Variants in AK5 observed in about 807,000 individuals in gnomAD.
AK5 encodes the protein adenylate kinase isoenzyme 5.
AK5 carries 27 observed loss-of-function variants against 69.5 expected under a neutral mutation model. That is an observed-to-expected ratio of 0.39 (90% CI 0.29 to 0.54). AK5 has a LOEUF of 0.54. Ranked by LOEUF, AK5 falls within the 20% of genes least tolerant of loss-of-function variation. The probability of loss-of-function intolerance (pLI) is 0.71; values close to 1 mark genes in which losing one functional copy is unlikely to be tolerated. For missense variants in AK5, 531 were observed against 700.4 expected (o/e 0.76, Z 2.73); for synonymous variants, 260 against 244.4 (o/e 1.06, Z -0.60).
chr1:77,524,699 T>C (rs929270486), intron 12 of AK5, among the ~76,000 whole-genome samples: 1 of 152,226 alleles, frequency 6.6e-6, no homozygotes, highest in Non-Finnish European at 1.5e-5. Flanking sequence ...GGCTGTCTTT[T>C]CACTCTTTTG....
At chr1:77,347,982 A>G (rs1010150151) in intron 6 of AK5, among the ~76,000 whole-genome samples, 1 of 152,192 alleles carries the variant, frequency 6.6e-6, no homozygotes, top group Non-Finnish European at 1.5e-5. Flanking sequence ...TGGCAGTCCT[A>G]CTGTCAGCAT....
At chr1:77,474,154 C>T (rs997602231) in intron 8 of AK5, among the ~76,000 whole-genome samples, 1 of 152,160 alleles carries the variant, frequency 6.6e-6, no homozygotes, top group Non-Finnish European at 1.5e-5. Flanking sequence ...CCAGCCAGTA[C>T]TTTATAAATA....
chr1:77,480,414 C>T (rs1035036470), intron 8 of AK5, among the ~76,000 whole-genome samples: 5 of 152,152 alleles, frequency 3.3e-5, no homozygotes, highest in Non-Finnish European at 7.3e-5. Flanking sequence ...TGAATAATAG[C>T]TGTGGATACA....
chr1:77,387,462 A>C (rs563603344), intron 6 of AK5, among the ~76,000 whole-genome samples: 1 of 152,326 alleles, frequency 6.6e-6, no homozygotes, highest in African/African-American at 2.4e-5. Context: ...GACCAGCATG[A>C]GTTAACCACT....
At chr1:77,436,222 T>C (rs1570121973) in intron 8 of AK5, among the ~76,000 whole-genome samples, 2 of 152,234 alleles carry the variant, frequency 1.3e-5, no homozygotes, top group African/African-American at 4.8e-5. Context: ...TTAAATAACC[T>C]CTAAATTAGA....
At chr1:77,340,756 A>C in intron 6 of AK5, 188 bp downstream of exon 6, 1 of 411,296 alleles carries the variant, frequency 2.4e-6, no homozygotes, top group Non-Finnish European at 4.2e-6. Flanking sequence ...TTTTAAAAAA[A>C]CTTTCTTTTT....
intron 8 of AK5, among the ~76,000 whole-genome samples, chr1:77,444,248 CA>C (rs1652538125): frequency 7.8e-5 from 2 of 25,602 alleles, no homozygotes; most frequent in African/African-American, 1.0e-4. Context: ...TATATATACA[CA>C]ACATATGTGT....
chr1:77,424,169 AGG>A (rs1651034290), intron 8 of AK5, among the ~76,000 whole-genome samples: 1 of 152,232 alleles, frequency 6.6e-6, no homozygotes, highest in Non-Finnish European at 1.5e-5. Flanking sequence ...AAAAATTACA[AGG>A]TATGTCAAAA....
At chr1:77,374,256 C>A (rs1481884160) in intron 6 of AK5, among the ~76,000 whole-genome samples, 1 of 152,062 alleles carries the variant, frequency 6.6e-6, no homozygotes, top group Non-Finnish European at 1.5e-5. Flanking sequence ...AGCAAAATGC[C>A]CTTGGGCTTG....
chr1:77,316,320 A>G (rs1660242294), intron 5 of AK5, among the ~76,000 whole-genome samples: 1 of 151,808 alleles, frequency 6.6e-6, no homozygotes, highest in African/African-American at 2.4e-5. Context: ...TAGAATGACT[A>G]TCTGTTCATT....
chr1:77,391,495 G>GTGTGTATATATATATATATATATA (rs1425180466), intron 6 of AK5, among the ~76,000 whole-genome samples: 17 of 63,380 alleles, frequency 2.7e-4, no homozygotes, highest in South Asian at 1.2e-3. Flanking sequence ...GTGTGTGTGT[G>GTGTGTATATATATATATATATATA]TATATATATA....
At chr1:77,341,414 G>A (rs1215625554) in intron 6 of AK5, among the ~76,000 whole-genome samples, 1 of 152,222 alleles carries the variant, frequency 6.6e-6, no homozygotes, top group Admixed American at 6.5e-5. Context: ...CCTCCTCTCA[G>A]CCCTCGGGCC....
At chr1:77,464,254 C>A (rs1199029935) in intron 8 of AK5, among the ~76,000 whole-genome samples, 1 of 152,128 alleles carries the variant, frequency 6.6e-6, no homozygotes, top group Non-Finnish European at 1.5e-5. Flanking sequence ...ATGCTTCCCA[C>A]CTGGCAGATT....
At chr1:77,463,862 G>A (rs1653985466) in intron 8 of AK5, among the ~76,000 whole-genome samples, 1 of 152,138 alleles carries the variant, frequency 6.6e-6, no homozygotes, top group Non-Finnish European at 1.5e-5. Context: ...CTTGGTTCAG[G>A]TACACTCCTC....
chr1:77,423,218 CT>C (rs1557581724), intron 8 of AK5, among the ~76,000 whole-genome samples: 7 of 27,894 alleles, frequency 2.5e-4, no homozygotes, highest in South Asian at 6.8e-4. Flanking sequence ...AAGACTCCGT[CT>C]AAAAAAAAAA....
At chr1:77,288,913 A>G (rs1658518462) in intron 2 of AK5, among the ~76,000 whole-genome samples, 1 of 152,158 alleles carries the variant, frequency 6.6e-6, no homozygotes, top group Admixed American at 6.5e-5. Context: ...CTCAGCACAA[A>G]ATAGCCATGT....
chr1:77,364,551 G>A (rs1045651244), intron 6 of AK5, among the ~76,000 whole-genome samples: 2 of 151,974 alleles, frequency 1.3e-5, no homozygotes, highest in African/African-American at 2.4e-5. Flanking sequence ...CTGGCCTCTA[G>A]CATCCTTTGT....
At chr1:77,497,287 A>T (rs1286193139) in intron 10 of AK5, among the ~76,000 whole-genome samples, 1 of 152,044 alleles carries the variant, frequency 6.6e-6, no homozygotes, top group Non-Finnish European at 1.5e-5. Flanking sequence ...ACAACTCTGG[A>T]TGTGCCACCT....
intron 10 of AK5, among the ~76,000 whole-genome samples, chr1:77,494,785 C>CTT (rs879881037): frequency 2.8e-5 from 4 of 144,088 alleles, no homozygotes; most frequent in Admixed American, 7.0e-5. Flanking sequence ...TATGCAGTAT[C>CTT]TTTTTTTTTT....
Sources: allele counts gnomAD v4.1 joint callset (sites outside exome capture counted in the v4.1 genomes callset), GRCh38; gene constraint gnomAD v4.1.1; transcripts MANE v1.5; gene names NCBI Gene and HGNC (gene_info 2026-07-23, HGNC 2026-07-21).